PTPN4: variants seen among roughly 807,000 people sequenced by gnomAD.
PTPN4 encodes tyrosine-protein phosphatase non-receptor type 4.
PTPN4 carries 49 observed loss-of-function variants against 135.5 expected under a neutral mutation model. That is an observed-to-expected ratio of 0.36 (90% CI 0.29 to 0.46). PTPN4 has a LOEUF of 0.46. PTPN4 is among the 20% of genes least tolerant of loss of function. The pLI is 1.00. For missense variants in PTPN4, 860 were observed against 1,101.0 expected (o/e 0.78, Z 3.10); for synonymous variants, 333 against 369.9 (o/e 0.90, Z 1.14).
chr2:119,905,233 T>G (rs1345884528), intron 10 of PTPN4, among the ~76,000 whole-genome samples: 1 of 152,194 alleles, frequency 6.6e-6, no homozygotes, highest in Non-Finnish European at 1.5e-5. Context: ...CCGAATTCTA[T>G]GCTACCTACA....
intron 1 of PTPN4, among the ~76,000 whole-genome samples, chr2:119,766,118 A>G (rs1317980480): frequency 4.6e-5 from 7 of 152,122 alleles, no homozygotes; most frequent in Non-Finnish European, 1.0e-4. Context: ...GGCATATCAG[A>G]TCCCCCTCCC....
intron 1 of PTPN4, among the ~76,000 whole-genome samples, chr2:119,793,673 T>G (rs1691193918): frequency 6.6e-6 from 1 of 152,078 alleles, no homozygotes; most frequent in African/African-American, 2.4e-5. Context: ...AGTATTAATT[T>G]GGGGAACTAA....
intron 3 of PTPN4, among the ~76,000 whole-genome samples, chr2:119,874,848 C>T (rs1192989428): frequency 1.3e-5 from 2 of 152,038 alleles, no homozygotes; most frequent in African/African-American, 4.8e-5. Context: ...TAAATTTTGC[C>T]AAGTTATCCT....
chr2:119,953,121 C>T (rs547292139), intron 19 of PTPN4, among the ~76,000 whole-genome samples: 3 of 152,154 alleles, frequency 2.0e-5, no homozygotes, highest in African/African-American at 4.8e-5. Flanking sequence ...AACACTTTAT[C>T]AGTCTGCTCT....
intron 9 of PTPN4, among the ~76,000 whole-genome samples, chr2:119,890,897 A>G (rs1301401254): frequency 6.6e-6 from 1 of 152,104 alleles, no homozygotes; most frequent in Non-Finnish European, 1.5e-5. Flanking sequence ...TTCTTTCAGC[A>G]CTTTCAGTAT....
At position 119,983,583 on chromosome 2, in the gene PTPN4, C is replaced by T. The variant is rs977082371; in HGVS notation, c.*6513C>T. On this transcript the variant is annotated 3_prime_UTR_variant, in exon 27 of 27. Transcript: ENST00000263708. ...AATTTTAAATAGTTGCACTTTATTT[C>T]ATGCTGACCACCAACTTAATTTATA... The T allele has an allele frequency of 6.6e-6, 1 of 152,152 alleles. No individual in the cohort carries two copies. The highest frequency in any genetic ancestry group is 1.5e-5 in the Non-Finnish European group (1 of 68,022). 9.4% of individuals were successfully genotyped at this position (152,152 alleles called of 1,614,324 possible). A position where few individuals can be genotyped will look rare whatever the true frequency, so the allele number is the denominator to read the frequency against.
At chr2:119,947,841 C>CAG (rs1328707568) in intron 18 of PTPN4, among the ~76,000 whole-genome samples, 2 of 151,708 alleles carry the variant, frequency 1.3e-5, no homozygotes, top group East Asian at 3.9e-4. Flanking sequence ...GTGTAACTAC[C>CAG]TACTGCTATT....
At chr2:119,818,340 A>G (rs1002071368) in intron 2 of PTPN4, among the ~76,000 whole-genome samples, 1 of 152,236 alleles carries the variant, frequency 6.6e-6, no homozygotes, top group Non-Finnish European at 1.5e-5. Flanking sequence ...GTCGTTGTAT[A>G]TTGAACATAG....
At position 119,979,616 on chromosome 2, in the gene PTPN4, C is replaced by T. The variant is rs879830623; in HGVS notation, c.*2546C>T. Reference sequence around the variant, plus strand: ...TCCATTACATCTAAGAACTTTTTAACCTGTATATCAATCTAAATAGGTTTC... The same window carrying T: ...TCCATTACATCTAAGAACTTTTTAATCTGTATATCAATCTAAATAGGTTTC... On this transcript the variant is annotated 3_prime_UTR_variant, in exon 27 of 27. Transcript: ENST00000263708. 6.6e-6 allele frequency: 1 copy of T among 152,034 alleles called. No homozygotes were observed. The highest frequency in any genetic ancestry group is 6.6e-5 in the Admixed American group (1 of 15,258). The allele number at this position is 152,034 out of a possible 1,614,324, so 9.4% of individuals were successfully genotyped here.
At chr2:119,839,719 C>G (rs1229510142) in intron 2 of PTPN4, among the ~76,000 whole-genome samples, 2 of 152,114 alleles carry the variant, frequency 1.3e-5, no homozygotes, top group Non-Finnish European at 2.9e-5. Context: ...AGGTAAATAT[C>G]AACAAATGTG....
intron 15 of PTPN4, among the ~76,000 whole-genome samples, chr2:119,935,668 T>C (rs1303555713): frequency 1.3e-5 from 2 of 152,172 alleles, no homozygotes; most frequent in African/African-American, 2.4e-5. Flanking sequence ...TGTGGGGAAT[T>C]AGTTGGCAAG....
intron 10 of PTPN4, among the ~76,000 whole-genome samples, chr2:119,906,849 C>A (rs1355200253): frequency 6.6e-6 from 1 of 152,146 alleles, no homozygotes; most frequent in East Asian, 1.9e-4. Context: ...TAAAGGCCAT[C>A]CATATAGGAA....
intron 11 of PTPN4, among the ~76,000 whole-genome samples, chr2:119,917,879 G>A (rs1203266946): frequency 6.6e-6 from 1 of 152,024 alleles, no homozygotes; most frequent in Non-Finnish European, 1.5e-5. Flanking sequence ...AAATTTTTTT[G>A]TGTGTTGTTT....
intron 2 of PTPN4, among the ~76,000 whole-genome samples, chr2:119,845,589 A>G (rs1677485639): frequency 6.6e-6 from 1 of 151,894 alleles, no homozygotes; most frequent in Non-Finnish European, 1.5e-5. Context: ...TCCTGGTTTT[A>G]ATAACTTTTT....
At chr2:119,956,723 T>C in intron 20 of PTPN4, 121 bp from the exon 21 acceptor site, 1 of 1,508,562 alleles carries the variant, frequency 6.6e-7, no homozygotes, top group Admixed American at 2.3e-5. Context: ...TATCATTGTA[T>C]AGATGACCTA....
intron 5 of PTPN4, among the ~76,000 whole-genome samples, chr2:119,878,201 T>C (rs764872976): frequency 6.6e-6 from 1 of 152,182 alleles, no homozygotes; most frequent in Non-Finnish European, 1.5e-5. Flanking sequence ...CAGATGAACA[T>C]TTTGATAATG....
At chr2:119,802,632 A>G (rs977210247) in intron 1 of PTPN4, among the ~76,000 whole-genome samples, 2 of 152,066 alleles carry the variant, frequency 1.3e-5, no homozygotes, top group African/African-American at 4.8e-5. Context: ...GTATTTTATT[A>G]AGGGTTTTTG....
intron 5 of PTPN4, among the ~76,000 whole-genome samples, chr2:119,878,832 G>C (rs970500695): frequency 6.6e-6 from 1 of 151,650 alleles, no homozygotes; most frequent in Non-Finnish European, 1.5e-5. Context: ...AGTGGCTCAC[G>C]CCTGTAATCC....
intron 1 of PTPN4, among the ~76,000 whole-genome samples, chr2:119,795,418 C>A (rs1691235647): frequency 6.6e-6 from 1 of 152,236 alleles, no homozygotes; most frequent in Admixed American, 6.5e-5. Context: ...CTAAGCGGGC[C>A]TCACCCCCTC....
Sources: gnomAD v4.1 joint callset for allele counts (sites outside exome capture counted in the v4.1 genomes callset) on GRCh38, gnomAD v4.1.1 for gene constraint, MANE v1.5 for transcripts, NCBI Gene and HGNC (gene_info 2026-07-23, HGNC 2026-07-21) for gene names.